Variants in GAB2 observed in about 807,000 individuals in gnomAD.
The protein encoded by GAB2 is GRB2-associated-binding protein 2.
A neutral mutation model predicts 65.5 loss-of-function variants in GAB2; 26 were observed. The observed-to-expected ratio is 0.40, with a 90% CI of 0.29 to 0.55. The LOEUF is 0.55. Among genes scored for constraint, GAB2 ranks in the 20% least tolerant of loss-of-function variants. GAB2 has a pLI of 0.53. For missense variants in GAB2, 884 were observed against 875.8 expected (o/e 1.01, Z -0.12); for synonymous variants, 321 against 329.6 (o/e 0.97, Z 0.28).
In GAB2 at chr11:78,216,222, T is replaced by C. The variant is rs1033318658; in HGVS notation, c.*3050A>G. The C allele has an allele frequency of 6.6e-6, 1 of 152,416 alleles. No homozygotes were observed. The highest frequency in any genetic ancestry group is 1.5e-5 in the Non-Finnish European group (1 of 68,098). The allele number at this position is 152,416 out of a possible 1,614,324, so 9.4% of individuals were successfully genotyped here. On this transcript the variant is annotated 3_prime_UTR_variant, in exon 10 of 10. Transcript: ENST00000361507. ...CTATTTCTCATCGTTCTCACTTGAC[T>C]TAACCTTGCAGAAGTGGAGCTGGAA...
At chr11:78,416,738 C>G (rs570280229) in intron 1 of GAB2, among the ~76,000 whole-genome samples, 3 of 149,728 alleles carry the variant, frequency 2.0e-5, no homozygotes, top group Non-Finnish European at 4.4e-5. Flanking sequence ...CCATCTTGTA[C>G]TTTGACCTCA....
chr11:78,392,495 C>G (rs1856846771), intron 1 of GAB2: 2 of 152,184 alleles, frequency 1.3e-5, no homozygotes, highest in Admixed American at 6.5e-5. Flanking sequence ...GATGCCATTC[C>G]AAGTTGTCCA....
At chr11:78,287,041 T>A (rs930200568) in intron 1 of GAB2, among the ~76,000 whole-genome samples, 2 of 152,194 alleles carry the variant, frequency 1.3e-5, no homozygotes, top group Admixed American at 1.3e-4. Flanking sequence ...TAAAAACACA[T>A]GACCAAATGG....
chr11:78,300,773 C>T (rs551231510), intron 1 of GAB2, among the ~76,000 whole-genome samples: 10 of 147,828 alleles, frequency 6.8e-5, no homozygotes, highest in African/African-American at 2.2e-4. Context: ...CGGCTCACTG[C>T]AACCTCTGTC....
chr11:78,416,962 C>G (rs2135106883), intron 1 of GAB2, among the ~76,000 whole-genome samples: 1 of 152,282 alleles, frequency 6.6e-6, no homozygotes, highest in East Asian at 1.9e-4. Context: ...CACCCGGGAG[C>G]TGCCCGGTCC....
intron 1 of GAB2, among the ~76,000 whole-genome samples, chr11:78,287,135 T>A (rs542894839): frequency 1.3e-5 from 2 of 152,240 alleles, no homozygotes; most frequent in Non-Finnish European, 2.9e-5. Context: ...AACTGCATGA[T>A]CATATCTTTC....
At chr11:78,251,636 G>A (rs1865458717) in intron 2 of GAB2, among the ~76,000 whole-genome samples, 1 of 152,160 alleles carries the variant, frequency 6.6e-6, no homozygotes, top group Non-Finnish European at 1.5e-5. Context: ...TTTGGCTTCT[G>A]CTGTTCCTTC....
chr11:78,263,265 C>G (rs1865782344), intron 2 of GAB2, among the ~76,000 whole-genome samples: 1 of 152,070 alleles, frequency 6.6e-6, no homozygotes, highest in South Asian at 2.1e-4. Context: ...TATAAGAAAC[C>G]ATATTCCTTT....
At chr11:78,336,350 A>AC (rs1565164397) in intron 1 of GAB2, among the ~76,000 whole-genome samples, 8 of 147,730 alleles carry the variant, frequency 5.4e-5, no homozygotes, top group African/African-American at 1.8e-4. Context: ...AAAAAAAAAA[A>AC]AAAAAAAAAA....
chr11:78,351,561 G>A (rs560750425), intron 1 of GAB2, among the ~76,000 whole-genome samples: 63 of 152,248 alleles, frequency 4.1e-4, no homozygotes, highest in Non-Finnish European at 8.4e-4. Context: ...ATGAGCTTTC[G>A]TTCTCACATC....
At chr11:78,354,864 C>G (rs866309113) in intron 1 of GAB2, among the ~76,000 whole-genome samples, 5 of 152,318 alleles carry the variant, frequency 3.3e-5, no homozygotes, top group African/African-American at 9.6e-5. Flanking sequence ...ACTACTCAAG[C>G]AGCAGCAGCA....
rs1565410032 is a variant in GAB2, at chr11:78,215,437, A to AATATGTTAC, written c.*3826_*3834dup. 3 of 152,646 alleles carry AATATGTTAC rather than the reference A, an allele frequency of 2.0e-5. No individual in the cohort carries two copies. Among genetic ancestry groups the AATATGTTAC allele is most frequent in the African/African-American group, 7.2e-5 (3 of 41,434 alleles). The allele number at this position is 152,646 out of a possible 1,614,324, so 9.5% of individuals were successfully genotyped here. ...ACACTCCTGTCCCACCCACCGGATA[A>AATATGTTAC]ATATGTTACAATTTAAAAAAAAGAA... On this transcript the variant is annotated 3_prime_UTR_variant, in exon 10 of 10. Transcript: ENST00000361507.
At chr11:78,394,436 T>C (rs1294462262) in intron 1 of GAB2, among the ~76,000 whole-genome samples, 12 of 152,152 alleles carry the variant, frequency 7.9e-5, no homozygotes, top group African/African-American at 1.2e-4. Context: ...CCTACTATAA[T>C]GTGCTGTATT....
At chr11:78,380,046 G>T (rs968443934) in intron 1 of GAB2, among the ~76,000 whole-genome samples, 1 of 152,188 alleles carries the variant, frequency 6.6e-6, no homozygotes, top group African/African-American at 2.4e-5. Flanking sequence ...AGTAGTTTTA[G>T]AAATTTCTTT....
chr11:78,412,031 A>C (rs1470596893), intron 1 of GAB2, among the ~76,000 whole-genome samples: 7 of 150,646 alleles, frequency 4.6e-5, no homozygotes, highest in African/African-American at 1.7e-4. Context: ...ATCTGTCTAA[A>C]AACAACAACA....
At chr11:78,382,692 G>A (rs1856713790) in intron 1 of GAB2, among the ~76,000 whole-genome samples, 1 of 152,130 alleles carries the variant, frequency 6.6e-6, no homozygotes, top group African/African-American at 2.4e-5. Flanking sequence ...GTAATCATGA[G>A]ACCTTTTAGA....
intron 8 of GAB2, among the ~76,000 whole-genome samples, chr11:78,220,774 C>T (rs547393760): frequency 1.3e-5 from 2 of 152,354 alleles, no homozygotes; most frequent in African/African-American, 2.4e-5. Context: ...CTGTACCACA[C>T]TGCCTCCTTT....
intron 1 of GAB2, among the ~76,000 whole-genome samples, chr11:78,354,863 G>A (rs1856334003): frequency 2.6e-5 from 4 of 152,162 alleles, no homozygotes; most frequent in Admixed American, 2.6e-4. Flanking sequence ...CACTACTCAA[G>A]CAGCAGCAGC....
chr11:78,329,743 G>A (rs1210808680), intron 1 of GAB2, among the ~76,000 whole-genome samples: 1 of 152,192 alleles, frequency 6.6e-6, no homozygotes, highest in Non-Finnish European at 1.5e-5. Flanking sequence ...ACAGAGATCT[G>A]TTTGGATTTT....
Sources: gnomAD v4.1 joint callset for allele counts (sites outside exome capture counted in the v4.1 genomes callset) on GRCh38, gnomAD v4.1.1 for gene constraint, MANE v1.5 for transcripts, NCBI Gene and HGNC (gene_info 2026-07-23, HGNC 2026-07-21) for gene names.